SND1: variants seen among roughly 807,000 people sequenced by gnomAD.
SND1 encodes staphylococcal nuclease domain-containing protein 1.
SND1 carries 38 observed loss-of-function variants against 121.7 expected under a neutral mutation model. The ratio of observed to expected loss-of-function variants is 0.31; its 90% CI spans 0.24 to 0.41. The LOEUF (loss-of-function observed/expected upper bound fraction) is 0.41. Ranked by LOEUF, SND1 falls within the 10% of genes least tolerant of loss-of-function variation. SND1 has a pLI of 1.00. For missense variants in SND1, 868 were observed against 1,184.6 expected (o/e 0.73, Z 3.92); for synonymous variants, 401 against 447.4 (o/e 0.90, Z 1.31).
rs140152545 is a variant in SND1, at chr7:127,878,011, C to T, written c.1344-9891C>T. Reference sequence around the variant, plus strand: ...CCTTCTTCTCTTTCCCCTTCCCTACCTCCCTTGTTTCTTTCATGCAGCATT... The same window carrying T: ...CCTTCTTCTCTTTCCCCTTCCCTACTTCCCTTGTTTCTTTCATGCAGCATT... On this transcript the variant is annotated intron_variant, in intron 12 of 23. Transcript: ENST00000354725. 5.2e-3 allele frequency among the ~76,000 whole-genome samples: 790 copies of T among 152,158 alleles called. 8 individuals carry two copies. Among genetic ancestry groups the T allele is most frequent in the African/African-American group, 0.018 (758 of 41,534 alleles).
chr7:128,034,113 A>G (rs1266583418), intron 16 of SND1, among the ~76,000 whole-genome samples: 1 of 152,124 alleles, frequency 6.6e-6, no homozygotes, highest in Non-Finnish European at 1.5e-5. Flanking sequence ...CAGCCTTCAA[A>G]CCCTGAGTCC....
chr7:127,706,490 C>G (rs1293453387), intron 8 of SND1, among the ~76,000 whole-genome samples: 1 of 152,048 alleles, frequency 6.6e-6, no homozygotes, highest in Non-Finnish European at 1.5e-5. Context: ...GATCTCCTGA[C>G]CTCGTGATCC....
chr7:127,878,407 G>A (rs1799729468), intron 12 of SND1, among the ~76,000 whole-genome samples: 1 of 152,056 alleles, frequency 6.6e-6, no homozygotes, highest in Non-Finnish European at 1.5e-5. Flanking sequence ...TGACTTTTTG[G>A]GGTCATGCCT....
chr7:127,676,355 A>G (rs548859499), intron 1 of SND1, among the ~76,000 whole-genome samples: 35 of 152,208 alleles, frequency 2.3e-4, no homozygotes, highest in Admixed American at 2.6e-4. Context: ...ATCTTATGTA[A>G]TAATACAAAT....
At chr7:127,718,765 G>A in intron 9 of SND1, 1 of 984,524 alleles carries the variant, frequency 1.0e-6, no homozygotes, top group South Asian at 4.7e-5. Context: ...AAAGGTGTGA[G>A]CACTATGATA....
At position 128,044,810 on chromosome 7, in the gene SND1, T is replaced by C. The variant is rs1792918445; in HGVS notation, c.1780-29692T>C. On this transcript the variant is annotated intron_variant, in intron 16 of 23. Transcript: ENST00000354725. ...ACTTTATTTTTCCAGATAGTTCATA[T>C]GGAGTAGAAGGAACATACTATATCT... Among the ~76,000 whole-genome samples the C allele has an allele frequency of 1.3e-5, 2 of 152,136 alleles. 1 individual carries two copies. Among genetic ancestry groups the C allele is most frequent in the Admixed American group, 1.3e-4 (2 of 15,270 alleles).
At chr7:127,972,855 C>T (rs980104094) in intron 15 of SND1, among the ~76,000 whole-genome samples, 4 of 152,240 alleles carry the variant, frequency 2.6e-5, no homozygotes, top group Non-Finnish European at 5.9e-5. Flanking sequence ...GTTGGGATTA[C>T]AGGCATGAGC....
intron 14 of SND1, among the ~76,000 whole-genome samples, chr7:127,919,990 A>G (rs747919025): frequency 1.3e-4 from 20 of 152,128 alleles, no homozygotes; most frequent in Non-Finnish European, 1.6e-4. Context: ...GTATTTCTGA[A>G]CCACTATCTC....
chr7:127,961,759 C>T (rs1801736083), intron 15 of SND1, among the ~76,000 whole-genome samples: 1 of 152,162 alleles, frequency 6.6e-6, no homozygotes, highest in African/African-American at 2.4e-5. Context: ...CATTCTCAAC[C>T]AGAATAAATC....
rs186437391 is a variant in SND1, at chr7:127,987,823, A to G, written c.1670-3124A>G. ...CTGTCAGTATAACATATACTGACAT[A>G]TATAACTAACATATATAGTCAAGAT... On this transcript the variant is annotated intron_variant, in intron 15 of 23. Transcript: ENST00000354725. Among the ~76,000 whole-genome samples, 26 of 152,360 alleles carry G rather than the reference A, an allele frequency of 1.7e-4. No homozygotes were observed. The East Asian group carries it at 4.8e-3, about 28-fold the overall frequency.
intron 13 of SND1, among the ~76,000 whole-genome samples, chr7:127,894,149 T>C (rs912618277): frequency 6.6e-5 from 10 of 152,078 alleles, no homozygotes; most frequent in Non-Finnish European, 1.5e-4. Flanking sequence ...TAATTGCATA[T>C]CTCTCTTGGT....
At chr7:127,993,947 G>C (rs1802577532) in intron 16 of SND1, among the ~76,000 whole-genome samples, 1 of 152,220 alleles carries the variant, frequency 6.6e-6, no homozygotes, top group South Asian at 2.1e-4. Context: ...GTGTAACGGT[G>C]ACTGCCTCTA....
chr7:127,950,203 G>C (rs1257817869), intron 15 of SND1, among the ~76,000 whole-genome samples: 1 of 152,160 alleles, frequency 6.6e-6, no homozygotes, highest in African/African-American at 2.4e-5. Flanking sequence ...AAAGGGCCTA[G>C]ACTTCCCTCC....
intron 15 of SND1, among the ~76,000 whole-genome samples, chr7:127,951,679 CG>C (rs1424296529): frequency 6.6e-6 from 1 of 151,954 alleles, no homozygotes; most frequent in Admixed American, 6.6e-5. Flanking sequence ...TGGTCCAAAA[CG>C]GGGGTTGGAA....
At chr7:127,872,132 A>G (rs1799601769) in intron 12 of SND1, among the ~76,000 whole-genome samples, 1 of 152,202 alleles carries the variant, frequency 6.6e-6, no homozygotes, top group African/African-American at 2.4e-5. Context: ...CCGTGTCTCA[A>G]AAAGAAAACT....
At chr7:127,707,439 C>T in intron 8 of SND1, 118 bp from the exon 9 acceptor site, 1 of 683,258 alleles carries the variant, frequency 1.5e-6, no homozygotes, top group Admixed American at 2.5e-5. Flanking sequence ...GACTGGTAGT[C>T]TTTCTTCTGG....
intron 15 of SND1, 146 bp downstream of exon 15, chr7:127,929,475 T>G: frequency 1.3e-6 from 1 of 798,178 alleles, no homozygotes; most frequent in Non-Finnish European, 2.1e-6. Flanking sequence ...ACACAGTTTC[T>G]AGATTGGATC....
chr7:127,959,894 G>A (rs963108690), intron 15 of SND1, among the ~76,000 whole-genome samples: 1 of 152,164 alleles, frequency 6.6e-6, no homozygotes, highest in Non-Finnish European at 1.5e-5. Flanking sequence ...ATTCCCCTAT[G>A]ATATGGAAAT....
chr7:127,715,217 T>A (rs1388238410), intron 9 of SND1, among the ~76,000 whole-genome samples: 1 of 152,020 alleles, frequency 6.6e-6, no homozygotes, highest in Non-Finnish European at 1.5e-5. Flanking sequence ...TGTCTCATTG[T>A]GGTTTTCATT....
Sources: gnomAD v4.1 joint callset for allele counts (sites outside exome capture counted in the v4.1 genomes callset) on GRCh38, gnomAD v4.1.1 for gene constraint, MANE v1.5 for transcripts, NCBI Gene and HGNC (gene_info 2026-07-23, HGNC 2026-07-21) for gene names.